The following PLCB1 variants were observed in gnomAD, a reference collection of about 807,000 sequenced individuals.
PLCB1 encodes the protein 1-phosphatidylinositol 4,5-bisphosphate phosphodiesterase beta-1.
In PLCB1, 46 loss-of-function variants were observed where a neutral mutation model predicts 161.8. The ratio of observed to expected loss-of-function variants is 0.28; its 90% CI spans 0.22 to 0.36. The LOEUF (loss-of-function observed/expected upper bound fraction) is 0.36. Among genes scored for constraint, PLCB1 ranks in the 10% least tolerant of loss-of-function variants. PLCB1 has a pLI of 1.00. For missense variants in PLCB1, 1,016 were observed against 1,472.5 expected (o/e 0.69, Z 5.07); for synonymous variants, 517 against 503.7 (o/e 1.03, Z -0.35).
rs183029912 is a variant in PLCB1, at chr20:8,169,972, A to T, written c.177+19601A>T. ...ATGTTTGATTTCTTTTTGTGTCAGC[A>T]ATGCATCTTCTATTAAAAGAATGGC... On this transcript the variant is annotated intron_variant, in intron 2 of 31. Transcript: ENST00000338037. Among the ~76,000 whole-genome samples, 94 of 152,258 alleles carry T rather than the reference A, an allele frequency of 6.2e-4. 1 individual carries two copies. In the East Asian group the frequency reaches 0.012, roughly 20 times the overall value.
chr20:8,773,541 G>A (rs1320590927), intron 26 of PLCB1, among the ~76,000 whole-genome samples: 1 of 152,172 alleles, frequency 6.6e-6, no homozygotes, highest in East Asian at 1.9e-4. Flanking sequence ...GGAAGCATTC[G>A]AAATATTTTA....
chr20:8,639,893 GAAA>G, intron 4 of PLCB1, among the ~76,000 whole-genome samples: 1 of 138,604 alleles, frequency 7.2e-6, no homozygotes, highest in Admixed American at 7.0e-5. Flanking sequence ...TAGAAGACAA[GAAA>G]AAAAAAAAAA....
At chr20:8,669,672 A>G (rs1989898088) in intron 9 of PLCB1, among the ~76,000 whole-genome samples, 1 of 152,172 alleles carries the variant, frequency 6.6e-6, no homozygotes, top group Non-Finnish European at 1.5e-5. Flanking sequence ...TACAGTGGGG[A>G]AGGATGTGCT....
chr20:8,692,085 C>T (rs1034925727), intron 10 of PLCB1, among the ~76,000 whole-genome samples: 1 of 152,192 alleles, frequency 6.6e-6, no homozygotes, highest in African/African-American at 2.4e-5. Flanking sequence ...CTCCGGACAG[C>T]TAATATCTTC....
intron 2 of PLCB1, among the ~76,000 whole-genome samples, chr20:8,292,160 C>A (rs1983413037): frequency 6.6e-6 from 1 of 152,060 alleles, no homozygotes; most frequent in Non-Finnish European, 1.5e-5. Flanking sequence ...AAAACTGAGC[C>A]TGACTGAAGA....
At chr20:8,750,558 G>T (rs1050328736) in intron 23 of PLCB1, among the ~76,000 whole-genome samples, 2 of 152,154 alleles carry the variant, frequency 1.3e-5, no homozygotes, top group Non-Finnish European at 2.9e-5. Context: ...TCAATAGGAT[G>T]CATTTTAAAG....
chr20:8,737,902 T>C (rs1477075938), intron 20 of PLCB1, among the ~76,000 whole-genome samples: 2 of 152,260 alleles, frequency 1.3e-5, no homozygotes, highest in African/African-American at 4.8e-5. Context: ...CTATACTGTT[T>C]ACTTCTTACA....
chr20:8,871,282 T>C (rs542259288), intron 31 of PLCB1, among the ~76,000 whole-genome samples: 1 of 152,184 alleles, frequency 6.6e-6, no homozygotes, highest in Non-Finnish European at 1.5e-5. Flanking sequence ...ACCTGTAGAT[T>C]GTGTAGGGAA....
At chr20:8,737,668 A>G (rs1404645628) in intron 20 of PLCB1, among the ~76,000 whole-genome samples, 1 of 152,198 alleles carries the variant, frequency 6.6e-6, no homozygotes, top group South Asian at 2.1e-4. Flanking sequence ...TTCACACTCA[A>G]CTGGGCCCTT....
chr20:8,881,768 T>C lies in PLCB1; in HGVS notation c.3570T>C (p.Pro1190=). The C allele has an allele frequency of 6.2e-7, 1 of 1,614,074 alleles. No homozygotes were observed. The highest frequency in any genetic ancestry group is 8.5e-7 in the Non-Finnish European group (1 of 1,179,974). ...GSAPLSLSSD[P]GKVNHKTPSS... Reference sequence around the variant, plus strand: ...CCCCTCTCTCCCTGTCCTCAGACCCTGGAAAAGTGAACCACAAGACTCCCT... The same window carrying C: ...CCCCTCTCTCCCTGTCCTCAGACCCCGGAAAAGTGAACCACAAGACTCCCT... The change falls in exon 32 of 32, where the codon CCT becomes CCC. Residue 1190 remains proline (P), a synonymous_variant. Transcript: ENST00000338037.
At chr20:8,855,215 T>TC (rs150598583) in intron 31 of PLCB1, among the ~76,000 whole-genome samples, 1,599 of 151,002 alleles carry the variant, frequency 0.011, 19 homozygotes, top group African/African-American at 0.03. Flanking sequence ...AGCAGATTCT[T>TC]CCCCCCCCAC....
intron 27 of PLCB1, among the ~76,000 whole-genome samples, chr20:8,781,340 T>C (rs1160081154): frequency 6.6e-6 from 1 of 151,452 alleles, no homozygotes; most frequent in Non-Finnish European, 1.5e-5. Context: ...AATAAAATAA[T>C]TGTTGACATT....
At chr20:8,662,500 AT>A (rs1465165512) in intron 9 of PLCB1, among the ~76,000 whole-genome samples, 2 of 140,464 alleles carry the variant, frequency 1.4e-5, no homozygotes, top group Admixed American at 7.4e-5. Context: ...TTATTATATA[AT>A]TATGTATAAT....
intron 23 of PLCB1, among the ~76,000 whole-genome samples, chr20:8,755,023 A>G (rs1219985667): frequency 6.6e-6 from 1 of 152,186 alleles, no homozygotes; most frequent in Non-Finnish European, 1.5e-5. Flanking sequence ...TTCAAAAGAA[A>G]GATTCTGCCA....
chr20:8,137,254 G>A (rs2051358834), intron 1 of PLCB1, among the ~76,000 whole-genome samples: 1 of 152,220 alleles, frequency 6.6e-6, no homozygotes, highest in Non-Finnish European at 1.5e-5. Flanking sequence ...ACAAGTAAAT[G>A]ATGACAAGAT....
chr20:8,549,586 G>A (rs139759175), intron 3 of PLCB1, among the ~76,000 whole-genome samples: 2 of 152,230 alleles, frequency 1.3e-5, no homozygotes, highest in African/African-American at 2.4e-5. Context: ...GAATTCTCAT[G>A]AGGTCTATGT....
intron 15 of PLCB1, among the ~76,000 whole-genome samples, chr20:8,723,473 TA>T (rs1440825479): frequency 6.6e-6 from 1 of 152,194 alleles, no homozygotes; most frequent in Non-Finnish European, 1.5e-5. Context: ...TAGATCACTC[TA>T]CAGAGGCCCA....
chr20:8,230,772 A>G (rs1427740861), intron 2 of PLCB1, among the ~76,000 whole-genome samples: 1 of 152,184 alleles, frequency 6.6e-6, no homozygotes, highest in Non-Finnish European at 1.5e-5. Flanking sequence ...TGAGTTGGAC[A>G]GTGTAGATAC....
intron 3 of PLCB1, among the ~76,000 whole-genome samples, chr20:8,388,176 C>T (rs1278579363): frequency 6.6e-6 from 1 of 152,042 alleles, no homozygotes; most frequent in African/African-American, 2.4e-5. Context: ...TGTAACTTTA[C>T]TGACAATACC....
Sources: gnomAD v4.1 joint callset for allele counts (sites outside exome capture counted in the v4.1 genomes callset) on GRCh38, gnomAD v4.1.1 for gene constraint, MANE v1.5 for transcripts, NCBI Gene and HGNC (gene_info 2026-07-23, HGNC 2026-07-21) for gene names.